Variants in PCDH15 observed in about 807,000 individuals in gnomAD.
PCDH15 encodes protocadherin-15.
PCDH15 carries 129 observed loss-of-function variants against 178.5 expected under a neutral mutation model. The observed-to-expected ratio is 0.72, with a 90% CI of 0.63 to 0.84. The LOEUF is 0.84. Among genes scored for constraint, PCDH15 ranks in the 40% least tolerant of loss-of-function variants. The probability of loss-of-function intolerance (pLI) is 0.00; values close to 1 mark genes in which losing one functional copy is unlikely to be tolerated. For missense variants in PCDH15, 2,230 were observed against 2,099.9 expected (o/e 1.06, Z -1.21); for synonymous variants, 800 against 732.0 (o/e 1.09, Z -1.50).
At chr10:55,068,958 T>G (rs1841642260) in intron 2 of PCDH15, among the ~76,000 whole-genome samples, 1 of 152,062 alleles carries the variant, frequency 6.6e-6, no homozygotes, top group Admixed American at 6.6e-5. Context: ...AGTGCAGTGG[T>G]GCAGTCTGGG....
At chr10:53,841,818 T>C (rs2077665292) in intron 28 of PCDH15, among the ~76,000 whole-genome samples, 1 of 151,854 alleles carries the variant, frequency 6.6e-6, no homozygotes, top group Non-Finnish European at 1.5e-5. Context: ...TTGGAAAATA[T>C]CAGTTAATAG....
intron 2 of PCDH15, among the ~76,000 whole-genome samples, chr10:55,120,188 T>C (rs1837730015): frequency 6.6e-6 from 1 of 151,990 alleles, no homozygotes; most frequent in South Asian, 2.1e-4. Flanking sequence ...ATGAATAAAA[T>C]ATGAACTAAG....
At chr10:55,454,091 A>G (rs1373680930) in intron 2 of PCDH15, among the ~76,000 whole-genome samples, 2 of 152,154 alleles carry the variant, frequency 1.3e-5, no homozygotes, top group Non-Finnish European at 2.9e-5. Context: ...ACCATAACAT[A>G]GAAAGATATT....
At chr10:53,917,949 T>C in intron 25 of PCDH15, among the ~76,000 whole-genome samples, 1 of 152,122 alleles carries the variant, frequency 6.6e-6, no homozygotes, top group Non-Finnish European at 1.5e-5. Context: ...TATAACGCAC[T>C]GGCTCTCCCT....
At chr10:54,779,404 A>ATG (rs1566220406) in intron 1 of PCDH15, among the ~76,000 whole-genome samples, 5 of 79,840 alleles carry the variant, frequency 6.3e-5, no homozygotes, top group Admixed American at 1.3e-4. Context: ...CTATATATAT[A>ATG]TGTATATATA....
At chr10:55,482,742 C>A (rs1840209976) in intron 2 of PCDH15, among the ~76,000 whole-genome samples, 1 of 151,680 alleles carries the variant, frequency 6.6e-6, no homozygotes, top group African/African-American at 2.4e-5. Flanking sequence ...CTCTAGCTGA[C>A]CTTAACATTT....
intron 8 of PCDH15, among the ~76,000 whole-genome samples, chr10:54,295,566 A>G (rs1241620770): frequency 6.6e-6 from 1 of 152,124 alleles, no homozygotes; most frequent in Non-Finnish European, 1.5e-5. Flanking sequence ...GAGACTACAA[A>G]CCCACTGGAA....
At chr10:54,767,025 T>C (rs1948600027) in intron 1 of PCDH15, among the ~76,000 whole-genome samples, 1 of 152,184 alleles carries the variant, frequency 6.6e-6, no homozygotes, top group South Asian at 2.1e-4. Context: ...CTAACGTCTA[T>C]AACCATAAAT....
intron 26 of PCDH15, among the ~76,000 whole-genome samples, chr10:53,877,455 G>A (rs4488106): frequency 0.64 from 96,880 of 152,010 alleles, 31,580 homozygotes; most frequent in Middle Eastern, 0.78. Flanking sequence ...AATTTTTACC[G>A]AAAATATCCA....
At chr10:54,255,718 T>G (rs7067938) in intron 8 of PCDH15, among the ~76,000 whole-genome samples, 104,101 of 151,788 alleles carry the variant, frequency 0.69, 36,676 homozygotes, top group Middle Eastern at 0.76. Flanking sequence ...TAGTATCATG[T>G]CTATAAGAAT....
intron 28 of PCDH15, among the ~76,000 whole-genome samples, chr10:53,848,267 A>G (rs2078112830): frequency 6.6e-6 from 1 of 151,740 alleles, no homozygotes; most frequent in Non-Finnish European, 1.5e-5. Context: ...AAAGAGGAGG[A>G]AGAGAGGAAA....
chr10:54,693,021 T>C (rs527694263), intron 1 of PCDH15, among the ~76,000 whole-genome samples: 72 of 151,988 alleles, frequency 4.7e-4, no homozygotes, highest in African/African-American at 1.7e-3. Flanking sequence ...GTCCTCCAAG[T>C]TCCCTCCCCT....
chr10:55,364,907 C>CAATTTTTTGTCAATTATA, intron 2 of PCDH15, among the ~76,000 whole-genome samples: 1 of 151,988 alleles, frequency 6.6e-6, no homozygotes, highest in Non-Finnish European at 1.5e-5. Context: ...ACAAAATATA[C>CAATTTTTTGTCAATTATA]AATTTTTTGT....
chr10:55,334,475 T>G (rs7924219), intron 2 of PCDH15, among the ~76,000 whole-genome samples: 9,235 of 150,474 alleles, frequency 0.061, 662 homozygotes, highest in African/African-American at 0.18. Flanking sequence ...GCCTGGCTAA[T>G]TTTGTATTTT....
chr10:54,910,885 T>G (rs1275307294), intron 2 of PCDH15, among the ~76,000 whole-genome samples: 3 of 152,188 alleles, frequency 2.0e-5, no homozygotes, highest in Non-Finnish European at 4.4e-5. Flanking sequence ...TGGTCAGGGT[T>G]CACCAGACTT....
At chr10:53,827,612 C>T (rs2132581710) in intron 31 of PCDH15, 64 bp from the exon 32 acceptor site, 1 of 1,580,654 alleles carries the variant, frequency 6.3e-7, no homozygotes, top group Non-Finnish European at 8.7e-7. Flanking sequence ...ATCAATAAGC[C>T]ACCTTTTAAT....
chr10:53,842,299 C>T (rs941234890), intron 28 of PCDH15, among the ~76,000 whole-genome samples: 2 of 152,132 alleles, frequency 1.3e-5, no homozygotes, highest in Non-Finnish European at 2.9e-5. Context: ...TTCTGTCGCC[C>T]AGGCTGGAGT....
intron 18 of PCDH15, among the ~76,000 whole-genome samples, chr10:54,040,779 T>C (rs1355930846): frequency 6.6e-6 from 1 of 152,064 alleles, no homozygotes; most frequent in Admixed American, 6.6e-5. Flanking sequence ...ACAAATGTGA[T>C]TTTTTGAATT....
rs534965514 is a variant in PCDH15 at position 53,840,923 on chromosome 10, G to A, written c.3807-427C>T. ...CACATGACACGTAGCTATATGCTAA[G>A]AAGCAGGACTAGGATGCCTGTTTTC... On this transcript the variant is annotated intron_variant, in intron 28 of 37. Coordinates refer to ENST00000644397, the MANE Select transcript of PCDH15 (RefSeq NM_001384140.1). Among the ~76,000 whole-genome samples, 3 of 152,320 alleles carry A rather than the reference G, an allele frequency of 2.0e-5. No individual in the cohort carries two copies. The South Asian group carries it at 6.2e-4, about 32-fold the overall frequency.
Sources: allele counts gnomAD v4.1 joint callset (sites outside exome capture counted in the v4.1 genomes callset), GRCh38; gene constraint gnomAD v4.1.1; transcripts MANE v1.5; gene names NCBI Gene and HGNC (gene_info 2026-07-23, HGNC 2026-07-21).